Variants in TBC1D16 observed in about 807,000 individuals in gnomAD.
TBC1D16 encodes TBC1 domain family member 16.
In TBC1D16, 58 loss-of-function variants were observed where a neutral mutation model predicts 74.7. The ratio of observed to expected loss-of-function variants is 0.78; its 90% CI spans 0.63 to 0.97. TBC1D16 has a LOEUF of 0.97. TBC1D16 is among the 50% of genes least tolerant of loss of function. The pLI, the probability that TBC1D16 is intolerant of heterozygous loss-of-function variation, is 0.00. For synonymous variants in TBC1D16, 493 were observed against 474.7 expected (o/e 1.04, Z -0.50); for missense variants, 1,014 against 1,079.5 (o/e 0.94, Z 0.85).
Position 79,935,334 on chromosome 17 carries a change from C to G in TBC1D16, c.*5525G>C, listed in dbSNP as rs2031518947. On this transcript the variant is annotated 3_prime_UTR_variant, in exon 12 of 12. Transcript: ENST00000310924. Reference sequence around the variant, plus strand: ...CCGGAGCTGCTCTTCCTCCTGGCAGCCCAGCCTGCAGGCCTAGTGCTGTCC... The same window carrying G: ...CCGGAGCTGCTCTTCCTCCTGGCAGGCCAGCCTGCAGGCCTAGTGCTGTCC... 6.6e-6 allele frequency: 1 copy of G among 152,312 alleles called. No homozygotes were observed. The highest frequency in any genetic ancestry group is 1.5e-5 in the Non-Finnish European group (1 of 68,096). 9.4% of individuals were successfully genotyped at this position (152,312 alleles called of 1,614,324 possible). A position where few individuals can be genotyped will look rare whatever the true frequency, so the allele number is the denominator to read the frequency against.
intron 3 of TBC1D16, 96 bp from the exon 4 acceptor site, chr17:79,952,914 C>T: frequency 6.9e-7 from 1 of 1,441,784 alleles, no homozygotes. Flanking sequence ...TAAACCTACG[C>T]ACCAAGCTTA....
rs1047117707 is a variant in TBC1D16 at position 79,956,534 on chromosome 17, G to A, written c.780-3716C>T. Among the ~76,000 whole-genome samples, 5 of 152,260 alleles carry A rather than the reference G, an allele frequency of 3.3e-5. No individual in the cohort carries two copies. Among genetic ancestry groups the A allele is most frequent in the East Asian group, 1.9e-4 (1 of 5,176 alleles). ...CTCCCAAAGTGCTGGGACTACAGGC[G>A]TGAGCCACCACGCTGGGCCCGGTGG... On this transcript the variant is annotated intron_variant, in intron 3 of 11. Transcript: ENST00000310924. The surrounding 1 kb of genome is among the most constrained non-coding windows in gnomAD (Gnocchi z 4.0).
At chr17:80,018,028 C>T (rs1186971812) in intron 1 of TBC1D16, among the ~76,000 whole-genome samples, 2 of 152,072 alleles carry the variant, frequency 1.3e-5, no homozygotes, top group Non-Finnish European at 2.9e-5. Context: ...CTAATGTTAT[C>T]CAGAATAGTT....
chr17:79,949,867 T>C lies in TBC1D16; in HGVS notation c.1258-2A>G. ...ATCAATACCGCCAAAGAAAATGGCC[T>C]GGAGGAAGCGGCAAAAGTTGGGGAG... On this transcript the variant is annotated splice_acceptor_variant, in intron 6 of 11. Coordinates refer to ENST00000310924, the MANE Select transcript of TBC1D16 (RefSeq NM_019020.4). LOFTEE classifies it high-confidence loss of function. 1 of 1,611,466 alleles carries C rather than the reference T, an allele frequency of 6.2e-7. No homozygotes were observed. The highest frequency in any genetic ancestry group is 8.5e-7 in the Non-Finnish European group (1 of 1,178,134).
intron 1 of TBC1D16, among the ~76,000 whole-genome samples, chr17:80,015,428 C>T (rs1057417676): frequency 2.6e-5 from 4 of 151,592 alleles, no homozygotes; most frequent in African/African-American, 4.9e-5. Flanking sequence ...AGTGAGACTC[C>T]GTCTCAAAAA....
At position 80,013,446 on chromosome 17, in the gene TBC1D16, A is replaced by G. The variant is rs2035971262; in HGVS notation, c.102T>C (p.Asp34=). 6.2e-7 allele frequency: 1 copy of G among 1,604,538 alleles called. No homozygotes were observed. The highest frequency in any genetic ancestry group is 8.5e-7 in the Non-Finnish European group (1 of 1,176,118). ...TGTTCTTGGAGTAGATGATCTCTCC[A>G]TCCAGGACAGAGGGGGACCCGCTGC... ...GSGSGSPSVL[D]GEIIYSKNNV... is the part of the protein sequence containing the mutation. The change falls in exon 2 of 12, where the codon GAT becomes GAC. Residue 34 remains aspartate (D), a synonymous_variant. Coordinates refer to ENST00000310924, the MANE Select transcript of TBC1D16 (RefSeq NM_019020.4).
intron 9 of TBC1D16, among the ~76,000 whole-genome samples, chr17:79,945,341 G>C (rs577200769): frequency 6.6e-6 from 1 of 152,328 alleles, no homozygotes; most frequent in South Asian, 2.1e-4. Flanking sequence ...GTGAGGCAGA[G>C]TGTTGTGCCC....
intron 3 of TBC1D16, among the ~76,000 whole-genome samples, chr17:79,960,808 A>AAAAAAAAAAAAAAAAAAAAC (rs2033575314): frequency 1.4e-5 from 2 of 139,534 alleles, no homozygotes; most frequent in African/African-American, 2.7e-5. Flanking sequence ...AAAAAAAAAA[A>AAAAAAAAAAAAAAAAAAAAC]ACGAAGGAAT....
chr17:80,014,002 C>T (rs1389910804), intron 1 of TBC1D16, among the ~76,000 whole-genome samples: 4 of 146,408 alleles, frequency 2.7e-5, no homozygotes, highest in Non-Finnish European at 4.5e-5. Flanking sequence ...CAAAAAAAAA[C>T]GTTTTCTTTT....
chr17:79,937,913 C>T lies in TBC1D16; in HGVS notation c.*2946G>A, dbSNP rs1431148112. The T allele has an allele frequency of 6.6e-6, 1 of 152,256 alleles. No individual in the cohort carries two copies. Among genetic ancestry groups the T allele is most frequent in the African/African-American group, 2.4e-5 (1 of 41,468 alleles). The allele number at this position is 152,256 out of a possible 1,614,324, so 9.4% of individuals were successfully genotyped here. A position where few individuals can be genotyped will look rare whatever the true frequency, so the allele number is the denominator to read the frequency against. The stretch of plus-strand genomic sequence containing the variant: ...GCAGACATTAGCAGCAGAGCTGCAC[C>T]ACGCATCAACTTTTAAGTATGCGCA... On this transcript the variant is annotated 3_prime_UTR_variant, in exon 12 of 12. Transcript: ENST00000310924.
Position 79,932,580 on chromosome 17 carries a change from C to T in TBC1D16, c.*8279G>A, listed in dbSNP as rs1458753958. The stretch of plus-strand genomic sequence containing the variant: ...ACTGTCAGATTTTAAAACTGCTAGA[C>T]CATGTGCCAATTCACATTGACTTGT... On this transcript the variant is annotated 3_prime_UTR_variant, in exon 12 of 12. Coordinates refer to ENST00000310924, the MANE Select transcript of TBC1D16 (RefSeq NM_019020.4). 1.3e-5 allele frequency: 2 copies of T among 152,218 alleles called. No individual in the cohort carries two copies. Among genetic ancestry groups the T allele is most frequent in the African/African-American group, 4.8e-5 (2 of 41,450 alleles). 9.4% of individuals were successfully genotyped at this position (152,218 alleles called of 1,614,324 possible). A position where few individuals can be genotyped will look rare whatever the true frequency, so the allele number is the denominator to read the frequency against.
chr17:80,011,897 C>A (rs1277682836), intron 2 of TBC1D16, among the ~76,000 whole-genome samples: 1 of 152,054 alleles, frequency 6.6e-6, no homozygotes, highest in African/African-American at 2.4e-5. Flanking sequence ...GCACTCATGG[C>A]ATTTTTTTAA....
intron 3 of TBC1D16, among the ~76,000 whole-genome samples, chr17:79,964,546 G>A (rs1349306720): frequency 6.6e-6 from 1 of 152,102 alleles, no homozygotes; most frequent in African/African-American, 2.4e-5. Flanking sequence ...ACTTCTGGGG[G>A]TGATGGATCT....
In TBC1D16 at chr17:79,961,707, C is replaced by T. The variant is rs184036270; in HGVS notation, c.780-8889G>A. ...TGAAACACTGTATCTACCAAAAATA[C>T]AAAAAATCAGCCAGACGTGGTGGCG... On this transcript the variant is annotated intron_variant, in intron 3 of 11. Transcript: ENST00000310924. This position sits in a 1 kb window ranked among gnomAD's most constrained non-coding sequence, Gnocchi z 4.8. 6.6e-6 allele frequency among the ~76,000 whole-genome samples: 1 copy of T among 152,028 alleles called. No individual in the cohort carries two copies. Among genetic ancestry groups the T allele is most frequent in the East Asian group, 1.9e-4 (1 of 5,168 alleles).
Position 79,944,137 on chromosome 17 carries a change from G to T in TBC1D16, c.1908+771C>A. On this transcript the variant is annotated intron_variant, in intron 10 of 11. Transcript: ENST00000310924. This position sits in a 1 kb window ranked among gnomAD's most constrained non-coding sequence, Gnocchi z 7.7. Reference sequence around the variant, plus strand: ...GGTGTGAGTGAGGACAGGAGACGCTGACGCAAATGTCTTCCAGCAGATGGG... The same window carrying T: ...GGTGTGAGTGAGGACAGGAGACGCTTACGCAAATGTCTTCCAGCAGATGGG... 1 of 1,535,978 alleles carries T rather than the reference G, an allele frequency of 6.5e-7. No individual in the cohort carries two copies. Among genetic ancestry groups the T allele is most frequent in the South Asian group, 1.2e-5 (1 of 84,054 alleles).
intron 3 of TBC1D16, among the ~76,000 whole-genome samples, chr17:80,003,111 G>C (rs1372516471): frequency 6.6e-6 from 1 of 152,222 alleles, no homozygotes; most frequent in Non-Finnish European, 1.5e-5. Flanking sequence ...TGCAGGAAAG[G>C]GCAAGAGGAA....
chr17:79,934,382 G>A lies in TBC1D16; in HGVS notation c.*6477C>T, dbSNP rs371547746. The A allele has an allele frequency of 6.6e-6, 1 of 152,358 alleles. No individual in the cohort carries two copies. Among genetic ancestry groups the A allele is most frequent in the East Asian group, 1.9e-4 (1 of 5,204 alleles). 9.4% of individuals were successfully genotyped at this position (152,358 alleles called of 1,614,324 possible). A position where few individuals can be genotyped will look rare whatever the true frequency, so the allele number is the denominator to read the frequency against. ...CAGGTGGGATCATCCTTCCTGAGGA[G>A]CTGCCCTGCCCAGTCCCGTTGCCTT... On this transcript the variant is annotated 3_prime_UTR_variant, in exon 12 of 12. Transcript: ENST00000310924.
chr17:80,024,103 A>C (rs2036393627), intron 1 of TBC1D16: 1 of 102,536 alleles, frequency 9.8e-6, no homozygotes, highest in Non-Finnish European at 2.4e-5. Flanking sequence ...TTCCGCGACA[A>C]AGCGCAGCTC....
intron 7 of TBC1D16, 116 bp from the exon 8 acceptor site, chr17:79,949,122 T>A: frequency 7.0e-7 from 1 of 1,423,886 alleles, no homozygotes; most frequent in Non-Finnish European, 9.6e-7. Flanking sequence ...GGACGGGAGC[T>A]GGGCGGCTGC....
Sources: allele counts gnomAD v4.1 joint callset (sites outside exome capture counted in the v4.1 genomes callset), GRCh38; gene constraint gnomAD v4.1.1; non-coding constraint Gnocchi (gnomAD v3.1); transcripts MANE v1.5; gene names NCBI Gene and HGNC (gene_info 2026-07-23, HGNC 2026-07-21).